PITPNC1: variants seen among roughly 807,000 people sequenced by gnomAD.
PITPNC1 encodes cytoplasmic phosphatidylinositol transfer protein 1.
PITPNC1 carries 18 observed loss-of-function variants against 44.7 expected under a neutral mutation model. That is an observed-to-expected ratio of 0.40 (90% CI 0.28 to 0.60). The LOEUF (loss-of-function observed/expected upper bound fraction) is 0.60, where lower values mean the gene tolerates loss of function less well. PITPNC1 is among the 20% of genes least tolerant of loss of function. The pLI, the probability that PITPNC1 is intolerant of heterozygous loss-of-function variation, is 0.39. For missense variants in PITPNC1, 290 were observed against 418.4 expected (o/e 0.69, Z 2.68); for synonymous variants, 141 against 149.6 (o/e 0.94, Z 0.42).
intron 5 of PITPNC1, among the ~76,000 whole-genome samples, chr17:67,623,924 A>G (rs1199156558): frequency 2.0e-5 from 3 of 152,200 alleles, no homozygotes; most frequent in Admixed American, 6.5e-5. Flanking sequence ...AGCAAGAGCA[A>G]TTGCAAAATT....
At chr17:67,432,583 G>A (rs958243544) in intron 1 of PITPNC1, among the ~76,000 whole-genome samples, 1 of 151,968 alleles carries the variant, frequency 6.6e-6, no homozygotes, top group Non-Finnish European at 1.5e-5. Flanking sequence ...ATAAATAAAG[G>A]TCCGTGTATA....
chr17:67,403,047 C>G (rs1204119313), intron 1 of PITPNC1, among the ~76,000 whole-genome samples: 1 of 151,922 alleles, frequency 6.6e-6, no homozygotes, highest in African/African-American at 2.4e-5. Flanking sequence ...GATAAGCATG[C>G]CTTTGTGTCT....
intron 7 of PITPNC1, among the ~76,000 whole-genome samples, chr17:67,670,218 C>T (rs2042490559): frequency 6.6e-6 from 1 of 152,170 alleles, no homozygotes; most frequent in South Asian, 2.1e-4. Flanking sequence ...GTCTATTAGG[C>T]AAGCGTATTT....
intron 6 of PITPNC1, among the ~76,000 whole-genome samples, chr17:67,657,071 G>A (rs1272602771): frequency 1.3e-5 from 2 of 152,142 alleles, no homozygotes; most frequent in East Asian, 3.8e-4. Flanking sequence ...GGAGGAGGGG[G>A]TAGAATGTGA....
chr17:67,408,672 C>CTCTTTCTT (rs200389816), intron 1 of PITPNC1: 35 of 87,854 alleles, frequency 4.0e-4, no homozygotes, highest in African/African-American at 1.5e-3. Context: ...TGCTTGCTTT[C>CTCTTTCTT]TCTTTCTTCC....
At chr17:67,490,254 T>C (rs2039844908) in intron 1 of PITPNC1, among the ~76,000 whole-genome samples, 1 of 151,180 alleles carries the variant, frequency 6.6e-6, no homozygotes, top group Non-Finnish European at 1.5e-5. Flanking sequence ...TGAGGAGACC[T>C]GGGTCATACT....
chr17:67,680,630 A>T (rs1317963896), intron 8 of PITPNC1, among the ~76,000 whole-genome samples: 3 of 151,842 alleles, frequency 2.0e-5, no homozygotes, highest in Non-Finnish European at 4.4e-5. Flanking sequence ...ACAACTATAG[A>T]TTACAGTTCT....
At chr17:67,431,667 G>A (rs193064914) in intron 1 of PITPNC1, among the ~76,000 whole-genome samples, 1 of 152,122 alleles carries the variant, frequency 6.6e-6, no homozygotes, top group Non-Finnish European at 1.5e-5. Context: ...AAAAGAGACT[G>A]GTTTCTGTGG....
At chr17:67,406,422 T>C (rs1023735251) in intron 1 of PITPNC1, among the ~76,000 whole-genome samples, 4 of 152,196 alleles carry the variant, frequency 2.6e-5, no homozygotes, top group Non-Finnish European at 5.9e-5. Flanking sequence ...TCTGTCCTTA[T>C]GGATTTGCCT....
intron 5 of PITPNC1, among the ~76,000 whole-genome samples, chr17:67,595,539 T>G (rs530602943): frequency 6.6e-6 from 1 of 152,124 alleles, no homozygotes; most frequent in South Asian, 2.1e-4. Context: ...GGACATGATT[T>G]CAAAGCAATT....
intron 6 of PITPNC1, among the ~76,000 whole-genome samples, chr17:67,666,136 C>G (rs1449732699): frequency 4.4e-5 from 6 of 137,694 alleles, no homozygotes; most frequent in South Asian, 2.5e-4. Flanking sequence ...AGCCACCGTG[C>G]CTGGCCAAGT....
intron 5 of PITPNC1, among the ~76,000 whole-genome samples, chr17:67,625,493 T>C (rs1380556601): frequency 6.6e-6 from 1 of 152,226 alleles, no homozygotes; most frequent in African/African-American, 2.4e-5. Flanking sequence ...ATCATTGCTG[T>C]GGCTGAGTGT....
At chr17:67,391,022 G>GT in intron 1 of PITPNC1, among the ~76,000 whole-genome samples, 1 of 151,434 alleles carries the variant, frequency 6.6e-6, no homozygotes, top group South Asian at 2.1e-4. Context: ...TGTAGCCAGC[G>GT]TAAGTTCTTG....
At chr17:67,546,969 A>G (rs1301317943) in intron 2 of PITPNC1, among the ~76,000 whole-genome samples, 1 of 152,240 alleles carries the variant, frequency 6.6e-6, no homozygotes, top group East Asian at 1.9e-4. Context: ...ATCACTGCAC[A>G]TAGAACTGGA....
intron 1 of PITPNC1, among the ~76,000 whole-genome samples, chr17:67,456,064 T>A (rs2039250651): frequency 6.6e-6 from 1 of 152,232 alleles, no homozygotes; most frequent in Admixed American, 6.5e-5. Flanking sequence ...ACAAGTCTAT[T>A]ATTATCATCC....
chr17:67,691,455 A>C (rs973378195), intron 8 of PITPNC1, among the ~76,000 whole-genome samples: 4 of 152,170 alleles, frequency 2.6e-5, no homozygotes, highest in Non-Finnish European at 5.9e-5. Context: ...TTTCTTTTAA[A>C]TAGAATCCTC....
rs901014467 is a variant in PITPNC1 at position 67,676,003 on chromosome 17, G to A, written c.682+461G>A. Reference sequence around the variant, plus strand: ...GGGCAGATCACGAGGTCAGGAGATCGAGACCATCCTGGCTAACACGGTGAA... The same window carrying A: ...GGGCAGATCACGAGGTCAGGAGATCAAGACCATCCTGGCTAACACGGTGAA... On this transcript the variant is annotated intron_variant, in intron 8 of 8. Transcript: ENST00000581322. The surrounding 1 kb of genome is among the most constrained non-coding windows in gnomAD (Gnocchi z 4.0). 5.9e-5 allele frequency among the ~76,000 whole-genome samples: 9 copies of A among 152,102 alleles called. No homozygotes were observed. The highest frequency in any genetic ancestry group is 1.3e-4 in the Non-Finnish European group (9 of 68,004).
intron 6 of PITPNC1, among the ~76,000 whole-genome samples, chr17:67,669,099 T>C (rs1308389462): frequency 6.6e-6 from 1 of 151,680 alleles, no homozygotes; most frequent in Non-Finnish European, 1.5e-5. Context: ...CTACTTTCTG[T>C]CTCTATGTTT....
intron 6 of PITPNC1, chr17:67,637,627 GT>G (rs2042048310): frequency 6.6e-6 from 1 of 152,308 alleles, no homozygotes; most frequent in South Asian, 2.1e-4. Context: ...AGAGCTTGGA[GT>G]TTTCCACTGG....
Sources: gnomAD v4.1 joint callset for allele counts (sites outside exome capture counted in the v4.1 genomes callset) on GRCh38, gnomAD v4.1.1 for gene constraint, Gnocchi (gnomAD v3.1) non-coding constraint, MANE v1.5 for transcripts, NCBI Gene and HGNC (gene_info 2026-07-23, HGNC 2026-07-21) for gene names.